The following BRAF variants were observed in gnomAD, a reference collection of about 807,000 sequenced individuals.
BRAF encodes B-Raf proto-oncogene, serine/threonine kinase.
In BRAF, 16 loss-of-function variants were observed where a neutral mutation model predicts 104.6. That is an observed-to-expected ratio of 0.15 (90% CI 0.10 to 0.23). The LOEUF is 0.23. BRAF is among the 10% of genes least tolerant of loss of function. BRAF has a pLI of 1.00. For missense variants in BRAF, 541 were observed against 937.3 expected (o/e 0.58, Z 5.52); for synonymous variants, 310 against 341.6 (o/e 0.91, Z 1.02).
chr7:140,715,978 C>G (rs1249923265), downstream of BRAF, among the ~76,000 whole-genome samples: 2 of 152,196 alleles, frequency 1.3e-5, no homozygotes, highest in African/African-American at 4.8e-5. Flanking sequence ...GTCAGATGAT[C>G]TGAGTCAACA....
At chr7:140,818,650 A>G (rs1340374529) in intron 3 of BRAF, among the ~76,000 whole-genome samples, 1 of 152,226 alleles carries the variant, frequency 6.6e-6, no homozygotes, top group African/African-American at 2.4e-5. Context: ...AAAAAGTTAA[A>G]AAACCTTATG....
At chr7:140,745,005 T>C (rs1310665409) in intron 17 of BRAF, among the ~76,000 whole-genome samples, 2 of 152,100 alleles carry the variant, frequency 1.3e-5, no homozygotes. Context: ...CATACAAATA[T>C]GTTACATTAG....
intron 3 of BRAF, among the ~76,000 whole-genome samples, chr7:140,817,090 T>C (rs1332914634): frequency 6.6e-6 from 1 of 152,078 alleles, no homozygotes; most frequent in Non-Finnish European, 1.5e-5. Context: ...CAATTATAAC[T>C]GACAAATTCA....
chr7:140,808,450 A>G (rs1803888731), intron 4 of BRAF: 2 of 351,748 alleles, frequency 5.7e-6, no homozygotes, highest in Admixed American at 4.2e-5. Context: ...TGCCCCCAAA[A>G]TAATTTTTTT....
At chr7:140,821,175 G>A (rs1006476600) in intron 3 of BRAF, among the ~76,000 whole-genome samples, 8 of 151,994 alleles carry the variant, frequency 5.3e-5, no homozygotes, top group Non-Finnish European at 1.2e-4. Flanking sequence ...GTAGAGACAG[G>A]GTCTGGTTAC....
intron 1 of BRAF, among the ~76,000 whole-genome samples, chr7:140,855,940 C>T (rs1465884151): frequency 1.3e-5 from 2 of 151,810 alleles, no homozygotes; most frequent in Non-Finnish European, 2.9e-5. Context: ...ATCTCTTGAA[C>T]TTGGGAGATG....
At chr7:140,778,972 G>C (rs1415054200) in intron 12 of BRAF, among the ~76,000 whole-genome samples, 1 of 152,088 alleles carries the variant, frequency 6.6e-6, no homozygotes, top group African/African-American at 2.4e-5. Flanking sequence ...CCCCAAACTG[G>C]AAACGATCCA....
chr7:140,817,068 C>T (rs1053117514), intron 3 of BRAF, among the ~76,000 whole-genome samples: 3 of 151,928 alleles, frequency 2.0e-5, no homozygotes, highest in Non-Finnish European at 4.4e-5. Flanking sequence ...CCTAAAGACT[C>T]CACCAAAAAA....
Position 140,924,632 on chromosome 7 carries a change from C to T in BRAF, c.72G>A (p.Glu24=), listed in dbSNP as rs587778114. The T allele has an allele frequency of 6.6e-7, 1 of 1,509,838 alleles. No individual in the cohort carries two copies. The highest frequency in any genetic ancestry group is 1.2e-5 in the South Asian group (1 of 83,406). 93.5% of individuals were successfully genotyped at this position (1,509,838 alleles called of 1,614,324 possible). A position where few individuals can be genotyped will look rare whatever the true frequency, so the allele number is the denominator to read the frequency against. Residue 24 remains glutamate (E), a synonymous_variant, in exon 1 of 20, where the codon GAG becomes GAA. Coordinates refer to ENST00000644969, the MANE Select transcript of BRAF (RefSeq NM_001374258.1). This position sits in a 1 kb window ranked among gnomAD's most constrained non-coding sequence, Gnocchi z 4.2. Reference sequence around the variant, plus strand: ...CGCCGGCGCCGGCGCCGGCCTCGGGCTCCATGTCCCCGTTGAACAGAGCCT... The same window carrying T: ...CGCCGGCGCCGGCGCCGGCCTCGGGTTCCATGTCCCCGTTGAACAGAGCCT... ...PGQALFNGDM[E]PEAGAGAGAA... is the part of the protein sequence containing the mutation.
chr7:140,750,133 T>A lies in BRAF; in HGVS notation c.1981-715A>T, dbSNP rs138075322. ...AATTAGGTTTCTTATTTACATGAAA[T>A]ACAATAAACAGTTGGTTAATTATTA... is the stretch of plus-strand genomic sequence containing the variant. On this transcript the variant is annotated intron_variant, in intron 16 of 19. Transcript: ENST00000644969. Among the ~76,000 whole-genome samples the A allele has an allele frequency of 3.6e-3, 548 of 152,312 alleles. 6 individuals carry two copies. The highest frequency in any genetic ancestry group is 0.012 in the African/African-American group (519 of 41,580).
chr7:140,900,256 T>C (rs1167592617), intron 1 of BRAF, among the ~76,000 whole-genome samples: 1 of 152,264 alleles, frequency 6.6e-6, no homozygotes, highest in African/African-American at 2.4e-5. Context: ...AGTTTCTATT[T>C]TCAATGTAGT....
In BRAF at chr7:140,723,867, G is replaced by A; in HGVS notation, c.*2627C>T. 1 of 1,046,416 alleles carries A rather than the reference G, an allele frequency of 9.6e-7. No homozygotes were observed. The highest frequency in any genetic ancestry group is 1.2e-6 in the Non-Finnish European group (1 of 867,436). 64.8% of individuals were successfully genotyped at this position (1,046,416 alleles called of 1,614,324 possible). A position where few individuals can be genotyped will look rare whatever the true frequency, so the allele number is the denominator to read the frequency against. Reference sequence around the variant, plus strand: ...GGACTTCTTCCTCGTTTTTTTAGGAGCTCAGTAAGTCTAACTGTTGTCTAA... The same window carrying A: ...GGACTTCTTCCTCGTTTTTTTAGGAACTCAGTAAGTCTAACTGTTGTCTAA... On this transcript the variant is annotated 3_prime_UTR_variant, in exon 20 of 20. Coordinates refer to ENST00000644969, the MANE Select transcript of BRAF (RefSeq NM_001374258.1).
At chr7:140,888,834 T>G (rs1202007099) in intron 1 of BRAF, among the ~76,000 whole-genome samples, 1 of 146,710 alleles carries the variant, frequency 6.8e-6, no homozygotes. Flanking sequence ...AAACTCCGTC[T>G]TAAAAAAAAA....
At chr7:140,781,514 A>G (rs1586139917) in intron 12 of BRAF, 62 bp downstream of exon 11, 3 of 1,424,500 alleles carry the variant, frequency 2.1e-6, no homozygotes, top group Middle Eastern at 3.5e-4. Flanking sequence ...TTTTTACAAA[A>G]TAAAAGTTGT....
intron 1 of BRAF, among the ~76,000 whole-genome samples, chr7:140,863,451 T>C (rs1318914818): frequency 6.6e-6 from 1 of 152,226 alleles, no homozygotes; most frequent in African/African-American, 2.4e-5. Context: ...AGAGTTTTAA[T>C]TTTATTCTAA....
At chr7:140,827,800 AC>A (rs1332351611) in intron 3 of BRAF, among the ~76,000 whole-genome samples, 3 of 152,216 alleles carry the variant, frequency 2.0e-5, no homozygotes, top group Non-Finnish European at 4.4e-5. Context: ...ACTGCTCAAC[AC>A]CACTGCTAAA....
chr7:140,827,725 C>T (rs1043963998), intron 3 of BRAF, among the ~76,000 whole-genome samples: 14 of 152,112 alleles, frequency 9.2e-5, no homozygotes, highest in East Asian at 5.8e-4. Flanking sequence ...AGGCCACGAC[C>T]GCAGAGGTCA....
chr7:140,738,225 C>CCTAA (rs1796604282), intron 18 of BRAF, among the ~76,000 whole-genome samples: 1 of 152,248 alleles, frequency 6.6e-6, no homozygotes, highest in Non-Finnish European at 1.5e-5. Flanking sequence ...CAGCCAACCA[C>CCTAA]TTAGCTTTCC....
chr7:140,917,153 C>T (rs777064582), intron 1 of BRAF, among the ~76,000 whole-genome samples: 4 of 152,182 alleles, frequency 2.6e-5, no homozygotes, highest in African/African-American at 7.2e-5. Context: ...CTCCCTCTCC[C>T]GGGTTCAAGT....
Sources: gnomAD v4.1 joint callset for allele counts (sites outside exome capture counted in the v4.1 genomes callset) on GRCh38, gnomAD v4.1.1 for gene constraint, Gnocchi (gnomAD v3.1) non-coding constraint, MANE v1.5 for transcripts, NCBI Gene and HGNC (gene_info 2026-07-23, HGNC 2026-07-21) for gene names.